PTPRN2: variants seen among roughly 807,000 people sequenced by gnomAD.
PTPRN2 encodes protein tyrosine phosphatase receptor type N2, also known as receptor-type tyrosine-protein phosphatase N2.
PTPRN2 carries 74 observed loss-of-function variants against 118.8 expected under a neutral mutation model. That is an observed-to-expected ratio of 0.62 (90% CI 0.52 to 0.76). The LOEUF (loss-of-function observed/expected upper bound fraction) is 0.76, where lower values mean the gene tolerates loss of function less well. Among genes scored for constraint, PTPRN2 ranks in the 30% least tolerant of loss-of-function variants. PTPRN2 has a pLI of 0.00. For missense variants in PTPRN2, 1,481 were observed against 1,394.4 expected (o/e 1.06, Z -0.99); for synonymous variants, 641 against 608.0 (o/e 1.05, Z -0.80).
chr7:157,847,139 C>G (rs1243407031), intron 12 of PTPRN2, among the ~76,000 whole-genome samples: 2 of 140,378 alleles, frequency 1.4e-5, no homozygotes, highest in African/African-American at 2.7e-5. Context: ...AGCCCTCTCT[C>G]ACTCCATCAT....
chr7:158,033,028 A>G (rs1807801892), intron 11 of PTPRN2, among the ~76,000 whole-genome samples: 1 of 152,164 alleles, frequency 6.6e-6, no homozygotes, highest in African/African-American at 2.4e-5. Context: ...CACTGATGCA[A>G]TCAGCCAACT....
At chr7:158,391,221 A>G (rs1447769450) in intron 2 of PTPRN2, among the ~76,000 whole-genome samples, 5 of 152,216 alleles carry the variant, frequency 3.3e-5, no homozygotes, top group Non-Finnish European at 4.4e-5. Context: ...ATTGACTTCC[A>G]TTCCCTGGAG....
rs1013649075 is a variant in PTPRN2, at chr7:157,632,320, G to A, written c.2197-10811C>T. 1.3e-5 allele frequency among the ~76,000 whole-genome samples: 2 copies of A among 152,080 alleles called. No homozygotes were observed. The highest frequency in any genetic ancestry group is 4.8e-5 in the African/African-American group (2 of 41,384). ...GGTGCACCAACGCCTGGTGATCCTC[G>A]ATTTCAGTTTATGACTTCCACTAAA... On this transcript the variant is annotated intron_variant, in intron 14 of 22. Coordinates refer to ENST00000389418, the MANE Select transcript of PTPRN2 (RefSeq NM_002847.5). This position sits in a 1 kb window ranked among gnomAD's most constrained non-coding sequence, Gnocchi z 4.3.
intron 3 of PTPRN2, among the ~76,000 whole-genome samples, chr7:158,231,771 T>G (rs1314921587): frequency 2.0e-5 from 3 of 152,118 alleles, no homozygotes; most frequent in Non-Finnish European, 4.4e-5. Flanking sequence ...ATATCAAGTA[T>G]CTTTTCTGAC....
rs113222062 is a variant in PTPRN2, at chr7:157,558,160, G to A, written c.2903-9141C>T. On this transcript the variant is annotated intron_variant, in intron 21 of 22. Transcript: ENST00000389418. ...CCGAGTCCTATCTGTGTGTGAACAC[G>A]TGCACATTGGTGCGACGCGGTGCCC... Among the ~76,000 whole-genome samples, 222 of 151,528 alleles carry A rather than the reference G, an allele frequency of 1.5e-3. 1 individual carries two copies. The highest frequency in any genetic ancestry group is 5.2e-3 in the African/African-American group (215 of 41,192).
chr7:157,902,452 G>A (rs1052350473), intron 11 of PTPRN2, among the ~76,000 whole-genome samples: 21 of 83,000 alleles, frequency 2.5e-4, no homozygotes, highest in Admixed American at 6.7e-4. Flanking sequence ...GACCAGCCCC[G>A]CGGTGGCCTG....
At chr7:157,835,953 A>G (rs1293617775) in intron 12 of PTPRN2, among the ~76,000 whole-genome samples, 1 of 152,238 alleles carries the variant, frequency 6.6e-6, no homozygotes, top group East Asian at 1.9e-4. Flanking sequence ...TCTGAACTTC[A>G]GACAGTACAA....
chr7:158,469,692 G>A (rs1399582933), intron 2 of PTPRN2, among the ~76,000 whole-genome samples: 1 of 138,928 alleles, frequency 7.2e-6, no homozygotes, highest in Non-Finnish European at 1.5e-5. Flanking sequence ...AAACACCAAA[G>A]AGCATCTGTT....
intron 1 of PTPRN2, among the ~76,000 whole-genome samples, chr7:158,513,260 A>T (rs543301112): frequency 4.9e-4 from 75 of 152,338 alleles, no homozygotes; most frequent in African/African-American, 1.7e-3. Context: ...AATCCAGGCC[A>T]GGGGACATTC....
At position 158,522,456 on chromosome 7, in the gene PTPRN2, G is replaced by A. The variant is rs572113970; in HGVS notation, c.113-32671C>T. The stretch of plus-strand genomic sequence containing the variant: ...CCACATCGGAATGGTAGACTGTTTA[G>A]GAGAAAGGTCCACGTCAGAATGGTG... On this transcript the variant is annotated intron_variant, in intron 1 of 22. Transcript: ENST00000389418. Among the ~76,000 whole-genome samples, 11 of 151,226 alleles carry A rather than the reference G, an allele frequency of 7.3e-5. 1 individual carries two copies. Among genetic ancestry groups the A allele is most frequent in the African/African-American group, 2.7e-4 (11 of 40,768 alleles).
At chr7:158,488,332 G>A (rs934935504) in intron 2 of PTPRN2, among the ~76,000 whole-genome samples, 12 of 152,122 alleles carry the variant, frequency 7.9e-5, no homozygotes, top group African/African-American at 2.9e-4. Context: ...CGAGCTGCCG[G>A]TTCCCACTTG....
At chr7:158,066,375 G>C (rs1357476356) in intron 11 of PTPRN2, among the ~76,000 whole-genome samples, 1 of 152,194 alleles carries the variant, frequency 6.6e-6, no homozygotes, top group Non-Finnish European at 1.5e-5. Flanking sequence ...AGGGCCGACA[G>C]GCACACTGAC....
intron 12 of PTPRN2, among the ~76,000 whole-genome samples, chr7:157,782,524 A>G (rs908920285): frequency 1.2e-4 from 18 of 152,232 alleles, no homozygotes; most frequent in African/African-American, 3.9e-4. Context: ...CAACCTATGA[A>G]ATCACACATC....
chr7:157,747,344 G>A (rs1267680759), intron 12 of PTPRN2, among the ~76,000 whole-genome samples: 1 of 144,742 alleles, frequency 6.9e-6, no homozygotes, highest in Admixed American at 6.9e-5. Flanking sequence ...CCTGAGCTGT[G>A]GGGTGTCCGG....
intron 1 of PTPRN2, among the ~76,000 whole-genome samples, chr7:158,538,557 G>A (rs1037880495): frequency 6.6e-5 from 10 of 152,132 alleles, no homozygotes; most frequent in African/African-American, 9.7e-5. Context: ...CACACATGGC[G>A]TCTCAAGTGC....
rs149209366 is a variant in PTPRN2, at chr7:158,041,690, C to A, written c.1723+39608G>T. Reference sequence around the variant, plus strand: ...GAAAACAAAAAGAAAAGAAAAGAAACAATTGAAGGCTACAAATAGTCAATA... The same window carrying A: ...GAAAACAAAAAGAAAAGAAAAGAAAAAATTGAAGGCTACAAATAGTCAATA... On this transcript the variant is annotated intron_variant, in intron 11 of 22. Transcript: ENST00000389418. Among the ~76,000 whole-genome samples the A allele has an allele frequency of 3.9e-5, 6 of 152,108 alleles. No individual in the cohort carries two copies. In the South Asian group the frequency reaches 8.3e-4, roughly 21 times the overall value.
At position 157,873,439 on chromosome 7, in the gene PTPRN2, T is replaced by G. The variant is rs117897266; in HGVS notation, c.1788+25234A>C. On this transcript the variant is annotated intron_variant, in intron 12 of 22. Coordinates refer to ENST00000389418, the MANE Select transcript of PTPRN2 (RefSeq NM_002847.5). ...GCCAAGGACATGTGCTGGGAGCGTC[T>G]GCAAGGTCCGTCTCGCCGTGGGGGC... Among the ~76,000 whole-genome samples the G allele has an allele frequency of 7.3e-3, 1,096 of 150,960 alleles. 55 individuals are homozygous for G. The East Asian group carries it at 0.13, about 18-fold the overall frequency.
intron 2 of PTPRN2, among the ~76,000 whole-genome samples, chr7:158,336,160 C>A (rs1320372066): frequency 3.6e-5 from 1 of 27,628 alleles, no homozygotes; most frequent in African/African-American, 1.2e-4. Flanking sequence ...CACATTCTCA[C>A]CATAAGAGCT....
intron 12 of PTPRN2, among the ~76,000 whole-genome samples, chr7:157,748,614 T>G (rs112391619): frequency 2.6e-4 from 31 of 119,014 alleles, no homozygotes; most frequent in East Asian, 8.4e-4. Context: ...CCCTGAGCTG[T>G]GGGCTGTTGA....
Sources: allele counts gnomAD v4.1 joint callset (sites outside exome capture counted in the v4.1 genomes callset), GRCh38; gene constraint gnomAD v4.1.1; non-coding constraint Gnocchi (gnomAD v3.1); transcripts MANE v1.5; gene names NCBI Gene and HGNC (gene_info 2026-07-23, HGNC 2026-07-21).